The following PROS1 variants were observed in gnomAD, a reference collection of about 807,000 sequenced individuals.
PROS1 encodes the protein vitamin K-dependent protein S.
A neutral mutation model predicts 75.9 loss-of-function variants in PROS1; 29 were observed. The ratio of observed to expected loss-of-function variants is 0.38; its 90% CI spans 0.28 to 0.52. The LOEUF (loss-of-function observed/expected upper bound fraction) is 0.52, where lower values mean the gene tolerates loss of function less well. Ranked by LOEUF, PROS1 falls within the 20% of genes least tolerant of loss-of-function variation. The pLI is 0.83. For missense variants in PROS1, 680 were observed against 810.3 expected (o/e 0.84, Z 1.95); for synonymous variants, 245 against 280.6 (o/e 0.87, Z 1.27).
intron 1 of PROS1, among the ~76,000 whole-genome samples, chr3:93,930,494 G>T (rs975825155): frequency 6.6e-6 from 1 of 152,076 alleles, no homozygotes; most frequent in Non-Finnish European, 1.5e-5. Flanking sequence ...AGGAAATAAA[G>T]CTCCATATAT....
intron 3 of PROS1, among the ~76,000 whole-genome samples, chr3:93,917,508 T>A (rs1468986627): frequency 6.6e-6 from 1 of 152,190 alleles, no homozygotes; most frequent in African/African-American, 2.4e-5. Context: ...GGCTCCCACT[T>A]TGGCGGCACT....
intron 13 of PROS1, 54 bp from the exon 14 acceptor site, chr3:93,877,245 TA>T: frequency 7.3e-7 from 1 of 1,368,310 alleles, no homozygotes; most frequent in Non-Finnish European, 1.0e-6. Flanking sequence ...TAATGCTGCT[TA>T]AGAGTGACTT....
chr3:93,878,201 T>A (rs2107127141), intron 13 of PROS1, among the ~76,000 whole-genome samples: 1 of 152,292 alleles, frequency 6.6e-6, no homozygotes, highest in African/African-American at 2.4e-5. Context: ...AATTCCATTT[T>A]GTTTAAAAAG....
At chr3:93,886,146 C>T (rs1016968447) in intron 11 of PROS1, among the ~76,000 whole-genome samples, 190 bp downstream of exon 11, 10 of 152,068 alleles carry the variant, frequency 6.6e-5, no homozygotes, top group African/African-American at 1.9e-4. Flanking sequence ...AAAACCACTA[C>T]GTCATTTTTT....
intron 3 of PROS1, among the ~76,000 whole-genome samples, chr3:93,922,496 A>G (rs1708957766): frequency 6.6e-6 from 1 of 152,230 alleles, no homozygotes; most frequent in Admixed American, 6.5e-5. Context: ...GCATGTTTTC[A>G]AGATAGTACA....
At chr3:93,946,870 G>T (rs1458390728) in intron 1 of PROS1, among the ~76,000 whole-genome samples, 1 of 146,382 alleles carries the variant, frequency 6.8e-6, no homozygotes, top group Non-Finnish European at 1.5e-5. Flanking sequence ...TATCATCAGA[G>T]TGAACAGGCA....
chr3:93,943,225 C>T (rs1274719390), intron 1 of PROS1, among the ~76,000 whole-genome samples: 3 of 152,068 alleles, frequency 2.0e-5, no homozygotes, highest in Non-Finnish European at 2.9e-5. Flanking sequence ...CACACCTCAC[C>T]AAGCTCAGCC....
chr3:93,886,236 A>G lies in PROS1; in HGVS notation c.1323+100T>C. 6 of 1,142,240 alleles carry G rather than the reference A, an allele frequency of 5.3e-6. No individual in the cohort carries two copies. The South Asian group carries it at 7.6e-5, about 14-fold the overall frequency. The allele number at this position is 1,142,240 out of a possible 1,614,324, so 70.8% of individuals were successfully genotyped here. ...CAAGTTGTCACACTTAGTATGCTTAACAAAACAACTTCTATTGATTCTCAG... is the reference window on the plus strand; with the variant it reads ...CAAGTTGTCACACTTAGTATGCTTAGCAAAACAACTTCTATTGATTCTCAG... On this transcript the variant is annotated intron_variant, in intron 11 of 14. Coordinates refer to ENST00000394236, the MANE Select transcript of PROS1 (RefSeq NM_000313.4).
chr3:93,892,646 G>C (rs1038551470), intron 10 of PROS1, among the ~76,000 whole-genome samples: 10 of 151,760 alleles, frequency 6.6e-5, no homozygotes, highest in African/African-American at 2.4e-4. Context: ...AAAATGTTAG[G>C]CCTCCTAATA....
At chr3:93,955,742 A>G (rs1709588661) in intron 1 of PROS1, among the ~76,000 whole-genome samples, 2 of 152,074 alleles carry the variant, frequency 1.3e-5, no homozygotes, top group African/African-American at 4.8e-5. Flanking sequence ...AAAGAAAGGC[A>G]AAGAAAATTC....
intron 1 of PROS1, among the ~76,000 whole-genome samples, chr3:93,955,722 T>TA (rs71621579): frequency 0.037 from 4,991 of 135,794 alleles, 86 homozygotes; most frequent in South Asian, 0.058. Flanking sequence ...ACTTAAAGTA[T>TA]AAAAAAAAAA....
intron 1 of PROS1, among the ~76,000 whole-genome samples, chr3:93,970,735 C>G (rs1353950411): frequency 1.3e-5 from 2 of 152,012 alleles, no homozygotes; most frequent in African/African-American, 4.8e-5. Flanking sequence ...TAGTTAATAT[C>G]TCTGAACAAT....
chr3:93,895,652 A>G (rs1381443209), intron 9 of PROS1, among the ~76,000 whole-genome samples: 1 of 152,202 alleles, frequency 6.6e-6, no homozygotes, highest in Non-Finnish European at 1.5e-5. Flanking sequence ...ATTCCAAAAA[A>G]AATCCAATTT....
At chr3:93,912,835 C>A (rs1198160598) in intron 3 of PROS1, among the ~76,000 whole-genome samples, 1 of 152,144 alleles carries the variant, frequency 6.6e-6, no homozygotes, top group Non-Finnish European at 1.5e-5. Flanking sequence ...GACCTAAACA[C>A]CTCCCATTAG....
chr3:93,952,627 G>C (rs964358637), intron 1 of PROS1, among the ~76,000 whole-genome samples: 2 of 152,096 alleles, frequency 1.3e-5, no homozygotes, highest in African/African-American at 2.4e-5. Flanking sequence ...AAGAAAGCAG[G>C]AAAGATCTAA....
chr3:93,897,976 A>T (rs1708528489), intron 8 of PROS1, among the ~76,000 whole-genome samples: 1 of 152,090 alleles, frequency 6.6e-6, no homozygotes. Context: ...AAAAGGGTAC[A>T]TTAAAACTGC....
At position 93,896,534 on chromosome 3, in the gene PROS1, C is replaced by T. The variant is rs775223052; in HGVS notation, c.965+42G>A. On this transcript the variant is annotated intron_variant, in intron 9 of 14. Transcript: ENST00000394236. ...TCGGCCACTTTTCTTCTGCCCTTAT[C>T]TGCTTAACCTCTAGAAATTATCATT... The T allele has an allele frequency of 2.1e-6, 3 of 1,455,382 alleles. No homozygotes were observed. The Admixed American group carries it at 5.0e-5, about 24-fold the overall frequency. 90.2% of individuals were successfully genotyped at this position (1,455,382 alleles called of 1,614,324 possible).
At chr3:93,973,333 C>T (rs1709910069) in intron 1 of PROS1, among the ~76,000 whole-genome samples, 1 of 152,166 alleles carries the variant, frequency 6.6e-6, no homozygotes, top group Non-Finnish European at 1.5e-5. Flanking sequence ...CTTCCCTACT[C>T]ATAAGCTAGA....
At chr3:93,931,148 A>C (rs1709099807) in intron 1 of PROS1, among the ~76,000 whole-genome samples, 1 of 152,166 alleles carries the variant, frequency 6.6e-6, no homozygotes, top group Non-Finnish European at 1.5e-5. Context: ...ATCAGACAGA[A>C]TTATCATCCC....
Sources: gnomAD v4.1 joint callset for allele counts (sites outside exome capture counted in the v4.1 genomes callset) on GRCh38, gnomAD v4.1.1 for gene constraint, MANE v1.5 for transcripts, NCBI Gene and HGNC (gene_info 2026-07-23, HGNC 2026-07-21) for gene names.